GTF2E2: variants seen among roughly 807,000 people sequenced by gnomAD.
The protein encoded by GTF2E2 is general transcription factor IIE subunit 2.
GTF2E2 carries 21 observed loss-of-function variants against 40.5 expected under a neutral mutation model. The observed-to-expected ratio is 0.52, with a 90% CI of 0.37 to 0.75. The LOEUF (loss-of-function observed/expected upper bound fraction) is 0.75. Among genes scored for constraint, GTF2E2 ranks in the 30% least tolerant of loss-of-function variants. GTF2E2 has a pLI of 0.00. For synonymous variants in GTF2E2, 117 were observed against 121.6 expected (o/e 0.96, Z 0.25); for missense variants, 298 against 338.4 (o/e 0.88, Z 0.94).
chr8:30,617,497 A>C (rs1340664422), intron 3 of GTF2E2, among the ~76,000 whole-genome samples: 1 of 152,112 alleles, frequency 6.6e-6, no homozygotes, highest in Non-Finnish European at 1.5e-5. Context: ...ATCCCAGCAA[A>C]TTGGAAGGTC....
At chr8:30,584,690 C>T (rs1828621518) in intron 6 of GTF2E2, 1 of 152,156 alleles carries the variant, frequency 6.6e-6, no homozygotes, top group Admixed American at 6.5e-5. Flanking sequence ...ACCAATGAGG[C>T]TTTGCTTAAA....
At chr8:30,623,908 T>C (rs1365746612) in intron 3 of GTF2E2, among the ~76,000 whole-genome samples, 2 of 152,096 alleles carry the variant, frequency 1.3e-5, no homozygotes, top group East Asian at 3.9e-4. Flanking sequence ...ATTCTGGATA[T>C]CAGCCCTTTG....
At chr8:30,626,436 G>A (rs1801276480) in intron 3 of GTF2E2, among the ~76,000 whole-genome samples, 1 of 152,164 alleles carries the variant, frequency 6.6e-6, no homozygotes, top group Admixed American at 6.5e-5. Flanking sequence ...AGTGAGCCGA[G>A]ATCACGCCAT....
chr8:30,584,736 T>C (rs540486981), intron 6 of GTF2E2: 8 of 152,212 alleles, frequency 5.3e-5, no homozygotes, highest in Admixed American at 5.2e-4. Flanking sequence ...TGTCTGTGCT[T>C]AGCCCTTTCC....
chr8:30,614,220 A>G (rs1800838283), intron 4 of GTF2E2, among the ~76,000 whole-genome samples: 2 of 152,244 alleles, frequency 1.3e-5, no homozygotes, highest in African/African-American at 4.8e-5. Context: ...TGTACATTCA[A>G]AAAACAAAGA....
intron 3 of GTF2E2, among the ~76,000 whole-genome samples, chr8:30,632,314 C>T (rs1801461369): frequency 6.6e-6 from 1 of 152,070 alleles, no homozygotes; most frequent in South Asian, 2.1e-4. Flanking sequence ...AGTATGCATT[C>T]CATAATTTAT....
chr8:30,584,509 A>C (rs1400835175), intron 6 of GTF2E2: 1 of 152,224 alleles, frequency 6.6e-6, no homozygotes, highest in African/African-American at 2.4e-5. Context: ...GGTAAATAAA[A>C]TCAGAACTGA....
At chr8:30,594,573 A>G (rs912812455) in intron 6 of GTF2E2, among the ~76,000 whole-genome samples, 2 of 150,864 alleles carry the variant, frequency 1.3e-5, no homozygotes, top group African/African-American at 4.9e-5. Context: ...AAAAAAAAAA[A>G]GTGGCCAGGC....
At chr8:30,586,670 G>A (rs1206170152) in intron 6 of GTF2E2, among the ~76,000 whole-genome samples, 1 of 152,116 alleles carries the variant, frequency 6.6e-6, no homozygotes, top group Non-Finnish European at 1.5e-5. Context: ...AACAGCATGG[G>A]ACTGGCATAA....
chr8:30,637,018 C>A, intron 2 of GTF2E2: 1 of 411,710 alleles, frequency 2.4e-6, no homozygotes, highest in Non-Finnish European at 4.7e-6. Flanking sequence ...AATATTCATA[C>A]GTAATCCCTC....
At chr8:30,651,813 T>C (rs761304602) in intron 2 of GTF2E2, among the ~76,000 whole-genome samples, 2 of 152,064 alleles carry the variant, frequency 1.3e-5, no homozygotes, top group Non-Finnish European at 2.9e-5. Context: ...CATTTCTCAG[T>C]CTCAAACCTT....
chr8:30,607,445 A>T (rs1482800716), intron 5 of GTF2E2, among the ~76,000 whole-genome samples: 2 of 151,950 alleles, frequency 1.3e-5, no homozygotes, highest in East Asian at 3.9e-4. Context: ...ACGTCTAGCT[A>T]ATGTTTTCAA....
intron 6 of GTF2E2, among the ~76,000 whole-genome samples, chr8:30,593,977 C>T (rs941511653): frequency 2.6e-5 from 4 of 152,154 alleles, no homozygotes; most frequent in South Asian, 2.1e-4. Context: ...GTCACCCAGG[C>T]TGGAGTGCAG....
At chr8:30,598,913 C>T (rs1325488717) in intron 6 of GTF2E2, among the ~76,000 whole-genome samples, 2 of 152,174 alleles carry the variant, frequency 1.3e-5, no homozygotes, top group Admixed American at 6.5e-5. Context: ...AATCCCTGCA[C>T]TTTGGGAAGC....
chr8:30,635,801 A>T (rs2128723956), intron 2 of GTF2E2, among the ~76,000 whole-genome samples: 1 of 152,300 alleles, frequency 6.6e-6, no homozygotes, highest in East Asian at 1.9e-4. Flanking sequence ...AAGCTAACAC[A>T]AGGAGTGGAT....
intron 1 of GTF2E2, among the ~76,000 whole-genome samples, chr8:30,654,088 CAAAAAAAA>C (rs11307086): frequency 1.1e-4 from 13 of 115,344 alleles, no homozygotes; most frequent in Admixed American, 8.0e-4. Flanking sequence ...GACCCTTGTT[CAAAAAAAA>C]AAAAAAAAAA....
At chr8:30,590,596 A>C (rs1828817925) in intron 6 of GTF2E2, among the ~76,000 whole-genome samples, 1 of 152,220 alleles carries the variant, frequency 6.6e-6, no homozygotes, top group African/African-American at 2.4e-5. Flanking sequence ...AACAGAGGTA[A>C]ATCTTCATGA....
intron 2 of GTF2E2, chr8:30,643,370 C>G (rs1032990460): frequency 1.3e-5 from 2 of 152,128 alleles, no homozygotes; most frequent in African/African-American, 4.8e-5. Context: ...ATTATAAGTA[C>G]ATGGGAGGCC....
chr8:30,632,285 T>C lies in GTF2E2; in HGVS notation c.258+2747A>G, dbSNP rs138366431. ...TCAGTCATATAATTTTCAGCTCAAA[T>C]ACCTTAGCAGTATCTTTTAGTATGC... On this transcript the variant is annotated intron_variant, in intron 3 of 7. Coordinates refer to ENST00000355904, the MANE Select transcript of GTF2E2 (RefSeq NM_002095.6). 5.3e-3 allele frequency among the ~76,000 whole-genome samples: 801 copies of C among 152,344 alleles called. 11 individuals carry two copies. Among genetic ancestry groups the C allele is most frequent in the African/African-American group, 0.018 (760 of 41,586 alleles).
Sources: allele counts gnomAD v4.1 joint callset (sites outside exome capture counted in the v4.1 genomes callset), GRCh38; gene constraint gnomAD v4.1.1; transcripts MANE v1.5; gene names NCBI Gene and HGNC (gene_info 2026-07-23, HGNC 2026-07-21).